Variants in CIITA observed in about 807,000 individuals in gnomAD.
The protein encoded by CIITA is class II major histocompatibility complex transactivator.
A neutral mutation model predicts 115.1 loss-of-function variants in CIITA; 72 were observed. That is an observed-to-expected ratio of 0.63 (90% CI 0.52 to 0.76). The LOEUF (loss-of-function observed/expected upper bound fraction) is 0.76, where lower values mean the gene tolerates loss of function less well. Among genes scored for constraint, CIITA ranks in the 30% least tolerant of loss-of-function variants. The pLI is 0.00. For missense variants in CIITA, 1,617 were observed against 1,463.8 expected, an observed-to-expected ratio of 1.10 and a Z score of -1.71; for synonymous variants, 763 against 635.6, an observed-to-expected ratio of 1.20 and a Z score of -3.02.
chr16:10,915,404 G>T (rs984689855), intron 13 of CIITA, among the ~76,000 whole-genome samples, 166 bp from the exon 14 acceptor site: 2 of 152,100 alleles, frequency 1.3e-5, no homozygotes, highest in Admixed American at 1.3e-4. Context: ...AAAAGATTGG[G>T]GTCCTACGTG....
At chr16:10,905,771 AAGAG>A (rs905822969) in intron 10 of CIITA, among the ~76,000 whole-genome samples, 1 of 151,932 alleles carries the variant, frequency 6.6e-6, no homozygotes, top group African/African-American at 2.4e-5. Flanking sequence ...AAAAAAAAAA[AAGAG>A]AGAAAAGGTC....
chr16:10,873,179 C>T (rs2035600733), upstream of CIITA, among the ~76,000 whole-genome samples: 1 of 152,086 alleles, frequency 6.6e-6, no homozygotes, highest in Admixed American at 6.5e-5. Context: ...CGCTATGTTT[C>T]CCACGGCTGG....
At chr16:10,893,286 C>T (rs780403690) in intron 1 of CIITA, among the ~76,000 whole-genome samples, 6 of 152,080 alleles carry the variant, frequency 3.9e-5, no homozygotes, top group African/African-American at 1.4e-4. Flanking sequence ...GTTTCAGCAG[C>T]CCTGGGAAAT....
downstream of CIITA, chr16:10,936,911 G>T (rs948728278): frequency 4.6e-5 from 7 of 152,244 alleles, no homozygotes; most frequent in African/African-American, 1.7e-4. Flanking sequence ...AGTTCTGGGA[G>T]GAAAGCTAGC....
intron 16 of CIITA, 24 bp from the exon 17 acceptor site, chr16:10,922,142 TC>T (rs1337915333): frequency 6.2e-7 from 1 of 1,604,602 alleles, no homozygotes; most frequent in South Asian, 1.1e-5. Flanking sequence ...CTCCAATCCC[TC>T]CCCCTGGCCT....
intron 1 of CIITA, among the ~76,000 whole-genome samples, chr16:10,893,542 A>T (rs770838869): frequency 6.6e-6 from 1 of 152,154 alleles, no homozygotes; most frequent in Non-Finnish European, 1.5e-5. Context: ...AGTACAGTTC[A>T]TGCCTGTAAT....
chr16:10,874,342 T>C (rs1232461653), upstream of CIITA, among the ~76,000 whole-genome samples: 1 of 152,130 alleles, frequency 6.6e-6, no homozygotes, highest in African/African-American at 2.4e-5. Context: ...AGAGGAAGCC[T>C]GGGGTGGGCT....
Position 10,877,212 on chromosome 16 carries a change from C to G in CIITA, c.-119C>G, listed in dbSNP as rs1401664507. ...AACTGGTGACTGGTTAGTGATGAGG[C>G]TAGTGATGAGGCTGTGTGCTTCTGA... is the stretch of plus-strand genomic sequence containing the variant. On this transcript the variant is annotated 5_prime_UTR_variant, in exon 1 of 20. Transcript: ENST00000324288. The G allele has an allele frequency of 1.8e-5, 15 of 826,384 alleles. No homozygotes were observed. The highest frequency in any genetic ancestry group is 2.5e-5 in the Non-Finnish European group (12 of 487,042). The allele number at this position is 826,384 out of a possible 1,614,324, so 51.2% of individuals were successfully genotyped here.
Position 10,933,340 on chromosome 16 carries a change from G to C in CIITA, c.*9485G>C, listed in dbSNP as rs183746719. 8 of 152,434 alleles carry C rather than the reference G, an allele frequency of 5.2e-5. No individual in the cohort carries two copies. The highest frequency in any genetic ancestry group is 3.9e-4 in the Admixed American group (6 of 15,302). 9.4% of individuals were successfully genotyped at this position (152,434 alleles called of 1,614,324 possible). On this transcript the variant is annotated 3_prime_UTR_variant, in exon 20 of 20. Transcript: ENST00000324288. Reference sequence around the variant, plus strand: ...GTGGCTTAAGTAAGAAGATGGCCCTGGCGTTTTACGCGCACTGGTGGGTGA... The same window carrying C: ...GTGGCTTAAGTAAGAAGATGGCCCTCGCGTTTTACGCGCACTGGTGGGTGA...
At position 10,916,406 on chromosome 16, in the gene CIITA, T is replaced by G; in HGVS notation, c.3009T>G (p.Gly1003=). The change falls in exon 15 of 20, where the codon GGT becomes GGG. Residue 1003 remains glycine, a synonymous_variant. Coordinates refer to ENST00000324288, the MANE Select transcript of CIITA (RefSeq NM_000246.4). ...ALSENKIGDE[G]VSQLSATFPQ... ...GTGAGAACAAGATCGGGGACGAGGG[T>G]GTCTCGCAGCTCTCAGCCACCTTCC... is the stretch of plus-strand genomic sequence containing the variant. The G allele has an allele frequency of 6.2e-7, 1 of 1,613,600 alleles. No homozygotes were observed. Among genetic ancestry groups the G allele is most frequent in the South Asian group, 1.1e-5 (1 of 90,950 alleles).
rs71136603 is a variant in CIITA at position 10,893,804 on chromosome 16, T to TA, written c.53-1448dup. Among the ~76,000 whole-genome samples the TA allele has an allele frequency of 1.7e-3, 55 of 32,168 alleles. 4 individuals are homozygous for TA. The highest frequency in any genetic ancestry group is 5.3e-3 in the African/African-American group (50 of 9,436). The allele number at this position is 32,168 out of a possible 152,430, so 21.1% of individuals were successfully genotyped here. On this transcript the variant is annotated intron_variant, in intron 1 of 19. Transcript: ENST00000324288. Reference sequence around the variant, plus strand: ...AGCCTGGGTGACAGAGACTCCGTCTTAAAAAAAAAAAAAAAAAAAAAAAAA... The same window carrying TA: ...AGCCTGGGTGACAGAGACTCCGTCTTAAAAAAAAAAAAAAAAAAAAAAAAAA...
intron 7 of CIITA, 135 bp from the exon 8 acceptor site, chr16:10,902,523 A>G (rs564988266): frequency 6.4e-6 from 7 of 1,088,270 alleles, no homozygotes; most frequent in Non-Finnish European, 9.6e-6. Flanking sequence ...CCATCAGGGC[A>G]GGACAGAAAC....
rs142461515 is a variant in CIITA, at chr16:10,903,784, G to A, written c.826G>A (p.Gly276Ser). 69 of 1,614,042 alleles carry A rather than the reference G, an allele frequency of 4.3e-5. No homozygotes were observed. The African/African-American group carries it at 5.5e-4, about 13-fold the overall frequency. ...CCCTCCCAGTGGATTCACTGTCCAC[G>A]GCCTCCCAACATCTCCAGACCGGCC... ...VPPPSGFTVH[G>S]LPTSPDRPGS... Residue 276 changes from glycine to serine, a missense_variant, in exon 9 of 20, where the codon GGC becomes AGC. Physicochemically the swap from Gly to Ser is moderately conservative, Grantham distance 56. Coordinates refer to ENST00000324288, the MANE Select transcript of CIITA (RefSeq NM_000246.4).
chr16:10,877,949 C>T (rs538784529), intron 1 of CIITA, among the ~76,000 whole-genome samples: 5 of 152,256 alleles, frequency 3.3e-5, no homozygotes, highest in East Asian at 3.9e-4. Flanking sequence ...CACCTGGCAC[C>T]GGCTCTGAAG....
At chr16:10,938,041 G>A (rs2041053299), downstream of CIITA, 1 of 152,232 alleles carries the variant, frequency 6.6e-6, no homozygotes, top group Admixed American at 6.5e-5. This position sits in a 1 kb window ranked among gnomAD's most constrained non-coding sequence, Gnocchi z 4.9. Context: ...TTGTACATTT[G>A]CAAGGGCATG....
At chr16:10,891,685 G>A (rs761845021) in intron 1 of CIITA, among the ~76,000 whole-genome samples, 1 of 152,180 alleles carries the variant, frequency 6.6e-6, no homozygotes, top group African/African-American at 2.4e-5. Flanking sequence ...TGGGGCAAAG[G>A]TGTCTTTTCT....
rs760254042 is a variant in CIITA, at chr16:10,879,905, G to A, written c.52+2523G>A. Among the ~76,000 whole-genome samples the A allele has an allele frequency of 6.6e-6, 1 of 152,190 alleles. No individual in the cohort carries two copies. Among genetic ancestry groups the A allele is most frequent in the Non-Finnish European group, 1.5e-5 (1 of 68,020 alleles). The stretch of plus-strand genomic sequence containing the variant: ...CCCCTCTCCACCCTAGGTGGCACAG[G>A]AGAGGTGGCAAAAGCCTAGAAGTTC... On this transcript the variant is annotated intron_variant, in intron 1 of 19. Coordinates refer to ENST00000324288, the MANE Select transcript of CIITA (RefSeq NM_000246.4). The surrounding 1 kb of genome is among the most constrained non-coding windows in gnomAD (Gnocchi z 4.3).
chr16:10,895,855 G>A (rs1443404432), intron 3 of CIITA, 91 bp downstream of exon 3: 3 of 1,208,654 alleles, frequency 2.5e-6, no homozygotes, highest in Non-Finnish European at 3.6e-6. Flanking sequence ...CATGAGCCAC[G>A]TCAGTCCCCT....
rs2041115586 is a variant in CIITA, at chr16:10,942,508, GCCGC to G, written n.1637_1640del. On this transcript the variant is annotated non_coding_transcript_exon_variant, in exon 2 of 2. Transcript: ENST00000573379. This position sits in a 1 kb window ranked among gnomAD's most constrained non-coding sequence, Gnocchi z 5.0. ...CGAGGGGCCCCGAGCTCATTGGCAGGCCGCCCCCTGCACGCGCTAATTGGCCGGC... is the reference window on the plus strand; with the variant it reads ...CGAGGGGCCCCGAGCTCATTGGCAGGCCCCTGCACGCGCTAATTGGCCGGC... 6.6e-6 allele frequency: 1 copy of G among 152,282 alleles called. No individual in the cohort carries two copies. Among genetic ancestry groups the G allele is most frequent in the South Asian group, 2.1e-4 (1 of 4,874 alleles). The allele number at this position is 152,282 out of a possible 1,614,324, so 9.4% of individuals were successfully genotyped here. A position where few individuals can be genotyped will look rare whatever the true frequency, so the allele number is the denominator to read the frequency against.
Sources: gnomAD v4.1 joint callset for allele counts (sites outside exome capture counted in the v4.1 genomes callset) on GRCh38, gnomAD v4.1.1 for gene constraint, Gnocchi (gnomAD v3.1) non-coding constraint, MANE v1.5 for transcripts, NCBI Gene and HGNC (gene_info 2026-07-23, HGNC 2026-07-21) for gene names.